Variants in SOS1 observed in about 807,000 individuals in gnomAD.
SOS1 encodes SOS Ras/Rac guanine nucleotide exchange factor 1, also known as son of sevenless homolog 1.
In SOS1, 25 loss-of-function variants were observed where a neutral mutation model predicts 157.6. That is an observed-to-expected ratio of 0.16 (90% CI 0.12 to 0.22). SOS1 has a LOEUF of 0.22. Among genes scored for constraint, SOS1 ranks in the 10% least tolerant of loss-of-function variants. SOS1 has a pLI of 1.00. For missense variants in SOS1, 1,237 were observed against 1,599.1 expected (o/e 0.77, Z 3.86); for synonymous variants, 528 against 534.0 (o/e 0.99, Z 0.16).
chr2:39,028,904 A>G (rs1409613840), intron 8 of SOS1, among the ~76,000 whole-genome samples: 2 of 152,222 alleles, frequency 1.3e-5, no homozygotes, highest in African/African-American at 4.8e-5. Context: ...ATGAGACACC[A>G]CAGTGGATTA....
At chr2:39,043,049 A>C (rs932461411) in intron 6 of SOS1, among the ~76,000 whole-genome samples, 9 of 152,148 alleles carry the variant, frequency 5.9e-5, no homozygotes, top group African/African-American at 2.2e-4. Flanking sequence ...AGTGAATAGA[A>C]GTGGTGATAG....
At chr2:39,094,163 G>A (rs1672689141) in intron 1 of SOS1, among the ~76,000 whole-genome samples, 1 of 151,852 alleles carries the variant, frequency 6.6e-6, no homozygotes, top group Admixed American at 6.6e-5. Flanking sequence ...TTGGAAAACA[G>A]TTTTCTCTTT....
At chr2:39,100,848 G>A (rs570786639) in intron 1 of SOS1, among the ~76,000 whole-genome samples, 13 of 152,166 alleles carry the variant, frequency 8.5e-5, no homozygotes, top group Non-Finnish European at 7.3e-5. Context: ...AAGCCCAGGA[G>A]GGGGAGGTTG....
chr2:39,025,381 G>C (rs1223222816), intron 8 of SOS1, among the ~76,000 whole-genome samples: 3 of 150,712 alleles, frequency 2.0e-5, no homozygotes, highest in African/African-American at 7.3e-5. Flanking sequence ...ATGGAGTCTT[G>C]CTCTGTACCC....
chr2:39,000,885 A>G (rs753819178), intron 17 of SOS1, among the ~76,000 whole-genome samples: 1 of 152,244 alleles, frequency 6.6e-6, no homozygotes, highest in Non-Finnish European at 1.5e-5. Context: ...ACAGGCCAGG[A>G]TATGAGAATC....
At chr2:38,994,750 A>G (rs1001138079) in intron 20 of SOS1, among the ~76,000 whole-genome samples, 3 of 152,198 alleles carry the variant, frequency 2.0e-5, no homozygotes, top group African/African-American at 4.8e-5. Flanking sequence ...AGCCTGTATA[A>G]TAATTTTGGA....
chr2:39,028,624 TA>T (rs1231349205), intron 8 of SOS1, among the ~76,000 whole-genome samples: 2 of 152,172 alleles, frequency 1.3e-5, no homozygotes, highest in Non-Finnish European at 2.9e-5. Context: ...TTCACTATAA[TA>T]GGTACCCAAA....
rs570650634 is a variant in SOS1 at position 39,120,456 on chromosome 2, G to T, written c.-34C>A. 1 of 1,538,580 alleles carries T rather than the reference G, an allele frequency of 6.5e-7. No homozygotes were observed. The highest frequency in any genetic ancestry group is 1.9e-5 in the Admixed American group (1 of 53,428). On this transcript the variant is annotated 5_prime_UTR_variant, in exon 1 of 23. Transcript: ENST00000402219. Reference sequence around the variant, plus strand: ...CGGGGCGCCTCTGGGCGGGGAGAGGGGCGGCGGCGGCCGGGCCAGGGAGCC... The same window carrying T: ...CGGGGCGCCTCTGGGCGGGGAGAGGTGCGGCGGCGGCCGGGCCAGGGAGCC...
At chr2:39,105,398 T>G (rs898448331) in intron 1 of SOS1, among the ~76,000 whole-genome samples, 1 of 152,088 alleles carries the variant, frequency 6.6e-6, no homozygotes, top group African/African-American at 2.4e-5. Flanking sequence ...ATTACAGCTG[T>G]GAGGCACCAA....
At chr2:39,042,363 T>A (rs1670600373) in intron 6 of SOS1, among the ~76,000 whole-genome samples, 2 of 152,188 alleles carry the variant, frequency 1.3e-5, no homozygotes, top group Non-Finnish European at 2.9e-5. Flanking sequence ...TATATTTCCA[T>A]TTATTCAGAT....
At chr2:39,099,448 G>C (rs1001490467) in intron 1 of SOS1, among the ~76,000 whole-genome samples, 1 of 152,212 alleles carries the variant, frequency 6.6e-6, no homozygotes, top group Non-Finnish European at 1.5e-5. Flanking sequence ...TGGAGGTTTG[G>C]AGGATGATGG....
At chr2:39,082,748 C>T (rs1003842744) in intron 1 of SOS1, 6 of 152,114 alleles carry the variant, frequency 3.9e-5, no homozygotes, top group Admixed American at 6.5e-5. Context: ...ATCTGGAATT[C>T]AACCAATCAC....
chr2:39,115,393 A>G (rs6419600), intron 1 of SOS1, among the ~76,000 whole-genome samples: 25,939 of 136,054 alleles, frequency 0.19, 4,041 homozygotes, highest in African/African-American at 0.43. Flanking sequence ...TTTGTATCAA[A>G]TTTGTTCTCT....
chr2:39,033,939 C>T (rs1389130319), intron 8 of SOS1, among the ~76,000 whole-genome samples: 4 of 151,780 alleles, frequency 2.6e-5, no homozygotes, highest in African/African-American at 4.8e-5. Flanking sequence ...AAAAAAATCC[C>T]GTTATTAGAG....
intron 2 of SOS1, 27 bp downstream of exon 2, chr2:39,067,596 ATAAAG>A (rs1415477609): frequency 1.3e-6 from 2 of 1,598,696 alleles, no homozygotes; most frequent in Admixed American, 3.3e-5. Flanking sequence ...CAAATTAGAT[ATAAAG>A]TAAATACAAG....
intron 21 of SOS1, 34 bp downstream of exon 21, chr2:38,989,236 C>G: frequency 6.7e-7 from 1 of 1,490,404 alleles, no homozygotes; most frequent in African/African-American, 1.4e-5. Context: ...AAAGCCAAAG[C>G]AAGAATTATG....
intron 6 of SOS1, among the ~76,000 whole-genome samples, chr2:39,036,474 C>G (rs1314184504): frequency 1.3e-5 from 2 of 152,168 alleles, no homozygotes; most frequent in African/African-American, 4.8e-5. Context: ...CCTCAGTCTC[C>G]TGAGTATCTG....
intron 13 of SOS1, among the ~76,000 whole-genome samples, chr2:39,013,029 G>A (rs1669518859): frequency 6.6e-6 from 1 of 152,112 alleles, no homozygotes; most frequent in African/African-American, 2.4e-5. Flanking sequence ...AAGAATCTAA[G>A]TGATTTTGCC....
intron 6 of SOS1, among the ~76,000 whole-genome samples, chr2:39,045,237 A>AGG (rs1553360161): frequency 4.0e-5 from 3 of 75,584 alleles, no homozygotes; most frequent in African/African-American, 1.5e-4. Flanking sequence ...GGAATGAGAG[A>AGG]GAGAGGGAGA....
Sources: gnomAD v4.1 joint callset for allele counts (sites outside exome capture counted in the v4.1 genomes callset) on GRCh38, gnomAD v4.1.1 for gene constraint, MANE v1.5 for transcripts, NCBI Gene and HGNC (gene_info 2026-07-23, HGNC 2026-07-21) for gene names.